The following FGFR1 variants were observed in gnomAD, a reference collection of about 807,000 sequenced individuals.
FGFR1 encodes FGFR1/PLAG1 fusion.
Under a neutral mutation model 93.7 loss-of-function variants are expected in FGFR1, and 18 were observed. The observed-to-expected ratio is 0.19, with a 90% CI of 0.13 to 0.28. The LOEUF (loss-of-function observed/expected upper bound fraction) is 0.28, where lower values mean the gene tolerates loss of function less well. Among genes scored for constraint, FGFR1 ranks in the 10% least tolerant of loss-of-function variants. The pLI is 1.00. For synonymous variants in FGFR1, 448 were observed against 429.3 expected, an observed-to-expected ratio of 1.04 and a Z score of -0.54; for missense variants, 731 against 1,080.4, an observed-to-expected ratio of 0.68 and a Z score of 4.53.
At position 38,441,413 on chromosome 8, in the gene FGFR1, G is replaced by A. The variant is rs544532757; in HGVS notation, c.92-11465C>T. Among the ~76,000 whole-genome samples, 17 of 152,274 alleles carry A rather than the reference G, an allele frequency of 1.1e-4. 1 individual carries two copies. In the South Asian group the frequency reaches 3.5e-3, roughly 32 times the overall value. On this transcript the variant is annotated intron_variant, in intron 2 of 17. Transcript: ENST00000447712. Reference sequence around the variant, plus strand: ...GGGCTGTAATTAAGTGATTAACAAAGGAATGCACCCAAGAGTTGTCTGAAA... The same window carrying A: ...GGGCTGTAATTAAGTGATTAACAAAAGAATGCACCCAAGAGTTGTCTGAAA...
Position 38,414,032 on chromosome 8 carries a change from G to GC in FGFR1, c.2187-10_2187-9insG. 1.2e-6 allele frequency: 2 copies of GC among 1,613,912 alleles called. No homozygotes were observed. The highest frequency in any genetic ancestry group is 1.3e-5 in the African/African-American group (1 of 75,042). On this transcript the variant is annotated splice_polypyrimidine_tract_variant and intron_variant, in intron 16 of 17. Transcript: ENST00000447712. ...CCCGCATCATCATGTACCTGCGGCAGGACTGTAAGGTCAGGGACGTCTCCT... is the reference window on the plus strand; with the variant it reads ...CCCGCATCATCATGTACCTGCGGCAGCGACTGTAAGGTCAGGGACGTCTCCT...
At chr8:38,436,921 A>G (rs1421423939) in intron 2 of FGFR1, among the ~76,000 whole-genome samples, 1 of 152,140 alleles carries the variant, frequency 6.6e-6, no homozygotes, top group Non-Finnish European at 1.5e-5. Context: ...AAAATCTCCC[A>G]CAGTCATTTA....
chr8:38,451,352 G>A (rs1201600914), intron 2 of FGFR1, among the ~76,000 whole-genome samples: 2 of 151,828 alleles, frequency 1.3e-5, no homozygotes, highest in Non-Finnish European at 2.9e-5. Context: ...TGGAACAGAG[G>A]GTGTCCCACT....
At chr8:38,420,540 T>G (rs1818324969) in intron 8 of FGFR1, among the ~76,000 whole-genome samples, 1 of 152,088 alleles carries the variant, frequency 6.6e-6, no homozygotes, top group African/African-American at 2.4e-5. Context: ...ACCTTCTGAT[T>G]AGGACTCACC....
chr8:38,418,689 T>G, intron 9 of FGFR1: 1 of 415,714 alleles, frequency 2.4e-6, no homozygotes, highest in Non-Finnish European at 4.5e-6. Flanking sequence ...TCTTTGCAAA[T>G]ACTTTGCCTT....
chr8:38,456,729 C>A (rs1490080440), intron 2 of FGFR1, among the ~76,000 whole-genome samples: 1 of 152,164 alleles, frequency 6.6e-6, no homozygotes, highest in Non-Finnish European at 1.5e-5. Flanking sequence ...CACCATCACA[C>A]CCAGTTAATT....
rs976088211 is a variant in FGFR1 at position 38,412,614 on chromosome 8, A to G, written c.*1014T>C. Reference sequence around the variant, plus strand: ...GCAGGACCTAGGAAGAAGAGGTTACAAGGAACCTGCGCCGGGAGCATGCGG... The same window carrying G: ...GCAGGACCTAGGAAGAAGAGGTTACGAGGAACCTGCGCCGGGAGCATGCGG... On this transcript the variant is annotated 3_prime_UTR_variant, in exon 18 of 18. Coordinates refer to ENST00000447712, the MANE Select transcript of FGFR1 (RefSeq NM_023110.3). The G allele has an allele frequency of 4.3e-6, 1 of 233,522 alleles. No individual in the cohort carries two copies. The highest frequency in any genetic ancestry group is 2.2e-5 in the African/African-American group (1 of 45,350). The allele number at this position is 233,522 out of a possible 1,614,324, so 14.5% of individuals were successfully genotyped here. A position where few individuals can be genotyped will look rare whatever the true frequency, so the allele number is the denominator to read the frequency against.
intron 2 of FGFR1, among the ~76,000 whole-genome samples, chr8:38,451,680 T>A (rs896339344): frequency 1.3e-5 from 2 of 152,126 alleles, no homozygotes; most frequent in South Asian, 4.2e-4. Context: ...CCTTCAAATC[T>A]GGGTGGGTGG....
At chr8:38,415,804 G>T (rs1381767122) in intron 13 of FGFR1, 66 bp downstream of exon 13, 5 of 1,493,504 alleles carry the variant, frequency 3.3e-6, no homozygotes, top group East Asian at 4.5e-5. Context: ...TAAGTCACAG[G>T]CTGGAAGACT....
intron 7 of FGFR1, chr8:38,423,205 T>G: frequency 1.3e-6 from 1 of 776,696 alleles, no homozygotes; most frequent in Non-Finnish European, 2.4e-6. Flanking sequence ...CACCAGTCAG[T>G]TGGGCAAAGC....
intron 1 of FGFR1, among the ~76,000 whole-genome samples, chr8:38,461,530 A>G (rs1247535220): frequency 6.6e-6 from 1 of 152,158 alleles, no homozygotes; most frequent in African/African-American, 2.4e-5. Context: ...GCTGGTAATG[A>G]ACTCCTGGGC....
chr8:38,462,166 G>C (rs1458650222), intron 1 of FGFR1, among the ~76,000 whole-genome samples: 1 of 152,076 alleles, frequency 6.6e-6, no homozygotes, highest in Non-Finnish European at 1.5e-5. Flanking sequence ...TAATATTTTG[G>C]AAATATAGTT....
chr8:38,421,102 G>C (rs1410143349), intron 8 of FGFR1, among the ~76,000 whole-genome samples: 2 of 152,186 alleles, frequency 1.3e-5, no homozygotes, highest in Non-Finnish European at 2.9e-5. Context: ...CATTCCGAGA[G>C]ACAGCAGCAA....
intron 2 of FGFR1, chr8:38,430,172 C>T: frequency 1.7e-6 from 1 of 574,778 alleles, no homozygotes; most frequent in Non-Finnish European, 3.1e-6. Flanking sequence ...TTCCACCCCA[C>T]TCCTCCAAAA....
At chr8:38,463,905 G>A (rs969920531) in intron 1 of FGFR1, among the ~76,000 whole-genome samples, 4 of 151,928 alleles carry the variant, frequency 2.6e-5, no homozygotes, top group Non-Finnish European at 5.9e-5. Context: ...TATGGAGAAA[G>A]TTACTCAGCT....
At chr8:38,448,462 T>G (rs1563592878) in intron 2 of FGFR1, among the ~76,000 whole-genome samples, 1 of 152,144 alleles carries the variant, frequency 6.6e-6, no homozygotes, top group Admixed American at 6.5e-5. Context: ...GTATTTTTAG[T>G]AGAGACAGGG....
At position 38,457,391 on chromosome 8, in the gene FGFR1, C is replaced by T. The variant is rs759243486; in HGVS notation, c.56G>A (p.Cys19Tyr). The T allele has an allele frequency of 1.2e-6, 2 of 1,613,920 alleles. No homozygotes were observed. The highest frequency in any genetic ancestry group is 4.5e-5 in the East Asian group (2 of 44,880). The change falls in exon 2 of 18, where the codon TGC becomes TAC. Residue 19 changes from cysteine (C) to tyrosine (Y), a missense_variant. By Grantham distance (194) the Cys-to-Tyr change is radical. Coordinates refer to ENST00000447712, the MANE Select transcript of FGFR1 (RefSeq NM_023110.3). ...FWAVLVTATL[C>Y]TARPSPTLPE... ...CAAGGTCGGGGACGGCCTAGCGGTG[C>T]AGAGTGTGGCTGTGACCAGCACAGC...
intron 12 of FGFR1, among the ~76,000 whole-genome samples, chr8:38,416,867 G>A (rs780693427): frequency 1.2e-4 from 19 of 152,068 alleles, no homozygotes; most frequent in Non-Finnish European, 1.9e-4. Flanking sequence ...AGTCTTATGC[G>A]TCAGCCTCCT....
chr8:38,464,060 A>G (rs1834986886), intron 1 of FGFR1, among the ~76,000 whole-genome samples: 1 of 152,158 alleles, frequency 6.6e-6, no homozygotes, highest in South Asian at 2.1e-4. Context: ...CACACCTGTA[A>G]TCCCAGCATT....
Sources: gnomAD v4.1 joint callset for allele counts (sites outside exome capture counted in the v4.1 genomes callset) on GRCh38, gnomAD v4.1.1 for gene constraint, MANE v1.5 for transcripts, NCBI Gene and HGNC (gene_info 2026-07-23, HGNC 2026-07-21) for gene names.